The following SMIM9 variants were observed in gnomAD, a reference collection of about 807,000 sequenced individuals.
SMIM9 encodes the protein chromosome X open reading frame 68.
In SMIM9, 8 loss-of-function variants were observed where a neutral mutation model predicts 7.2. The ratio of observed to expected loss-of-function variants is 1.10; its 90% CI spans 0.65 to 1.99. The LOEUF is 1.99. Ranked by LOEUF, SMIM9 falls within the 30% of genes most tolerant of loss-of-function variation. The pLI is 0.00. For missense variants in SMIM9, 76 were observed against 69.3 expected (o/e 1.10, Z -0.34); for synonymous variants, 19 against 26.4 (o/e 0.72, Z 0.86).
chrX:154,827,229 A>G (rs1478707544), intron 4 of SMIM9, among the ~76,000 whole-genome samples: 1 of 112,850 alleles, frequency 8.9e-6, no homozygotes, highest in African/African-American at 3.2e-5. Flanking sequence ...CCACAGTTTG[A>G]GTAACAATGA....
chrX:154,826,552 C>T (rs1557270251), intron 4 of SMIM9, among the ~76,000 whole-genome samples: 1 of 112,026 alleles, frequency 8.9e-6, no homozygotes, highest in Non-Finnish European at 1.9e-5. Context: ...CCACCATGCC[C>T]GACCTTAGCT....
In SMIM9 at chrX:154,830,944, C is replaced by T; in HGVS notation, c.-88G>A. 1.0e-6 allele frequency: 1 copy of T among 999,338 alleles called. No individual in the cohort carries two copies. Among genetic ancestry groups the T allele is most frequent in the African/African-American group, 1.9e-5 (1 of 51,796 alleles). 82.4% of individuals were successfully genotyped at this position (999,338 alleles called of 1,213,427 possible). On this transcript the variant is annotated 5_prime_UTR_variant, in exon 3 of 5. It adds an upstream start codon to the 5' untranslated region. Transcript: ENST00000369529. Reference sequence around the variant, plus strand: ...ATGTCTTTGTCCGTAGGTCTTTCCACAGAAACTTTGTCTGAAAAGTTAGAC... The same window carrying T: ...ATGTCTTTGTCCGTAGGTCTTTCCATAGAAACTTTGTCTGAAAAGTTAGAC...
intron 4 of SMIM9, 87 bp from the exon 5 acceptor site, chrX:154,823,869 G>T: frequency 1.1e-6 from 1 of 873,476 alleles, no homozygotes; most frequent in Non-Finnish European, 1.5e-6. Context: ...TTTGACACCA[G>T]TTTTTCTCTT....
Position 154,824,671 on chromosome X carries a change from TTAGC to T in SMIM9, c.273-893_273-890del, listed in dbSNP as rs781908174. Among the ~76,000 whole-genome samples the T allele has an allele frequency of 5.4e-3, 603 of 112,632 alleles. 2 individuals are homozygous for T. Among genetic ancestry groups the T allele is most frequent in the African/African-American group, 0.018 (573 of 31,033 alleles). On this transcript the variant is annotated intron_variant, in intron 4 of 4. Coordinates refer to ENST00000369529, the MANE Select transcript of SMIM9 (RefSeq NM_001162936.4). ...AGTGTATGAATGTGCAATACTTTCT[TTAGC>T]TAGCCCCAGACTGATGGACATTTAA...
At chrX:154,831,128 T>C (rs1410688466) in intron 2 of SMIM9, among the ~76,000 whole-genome samples, 173 bp from the exon 3 acceptor site, 14 of 111,450 alleles carry the variant, frequency 1.3e-4, no homozygotes, top group African/African-American at 4.6e-4. Flanking sequence ...CTCTATCAGG[T>C]CAGATACCGG....
chrX:154,824,868 C>T (rs1346547385), intron 4 of SMIM9, among the ~76,000 whole-genome samples: 2 of 112,091 alleles, frequency 1.8e-5, no homozygotes, highest in Non-Finnish European at 3.8e-5. Flanking sequence ...TAGCTTAAGC[C>T]TTCATTACAG....
In SMIM9 at chrX:154,823,724, C is replaced by T. The variant is rs186510434; in HGVS notation, c.*31G>A. The T allele has an allele frequency of 7.0e-6, 8 of 1,145,856 alleles. No individual in the cohort carries two copies. The African/African-American group carries it at 1.5e-4, about 21-fold the overall frequency. 94.4% of individuals were successfully genotyped at this position (1,145,856 alleles called of 1,213,427 possible). On this transcript the variant is annotated 3_prime_UTR_variant, in exon 5 of 5. Coordinates refer to ENST00000369529, the MANE Select transcript of SMIM9 (RefSeq NM_001162936.4). ...CTCTTTTGGAGTCCAACTGGAGAGA[C>T]CACACTTGCCCTGTTGAATCTTCTA...
intron 2 of SMIM9, among the ~76,000 whole-genome samples, 172 bp from the exon 3 acceptor site, chrX:154,831,127 G>C (rs2072443958): frequency 9.0e-6 from 1 of 111,314 alleles, no homozygotes; most frequent in South Asian, 3.8e-4. Context: ...GCTCTATCAG[G>C]TCAGATACCG....
intron 2 of SMIM9, among the ~76,000 whole-genome samples, 165 bp downstream of exon 2, chrX:154,832,409 C>T (rs1423313566): frequency 8.9e-6 from 1 of 112,225 alleles, no homozygotes; most frequent in Non-Finnish European, 1.9e-5. Context: ...ACTAAACTAA[C>T]ACCTGTATCT....
At chrX:154,826,484 T>C (rs1022760094) in intron 4 of SMIM9, among the ~76,000 whole-genome samples, 20 of 112,114 alleles carry the variant, frequency 1.8e-4, no homozygotes, top group Non-Finnish European at 3.6e-4. Flanking sequence ...CTCAAACTCC[T>C]GGCCTTAAGC....
intron 4 of SMIM9, among the ~76,000 whole-genome samples, chrX:154,828,076 C>T (rs1427432285): frequency 6.3e-5 from 7 of 111,771 alleles, no homozygotes; most frequent in Admixed American, 5.7e-4. Flanking sequence ...CTTCCACAGG[C>T]ATTGATCATT....
chrX:154,830,817 A>G lies in SMIM9; in HGVS notation c.40T>C (p.Cys14Arg). Residue 14 changes from cysteine to arginine, a missense_variant, in exon 3 of 5, where the codon TGC (cysteine) becomes CGC (arginine). Physicochemically the swap from Cys to Arg is radical, Grantham distance 180 (BLOSUM62 -3). Coordinates refer to ENST00000369529, the MANE Select transcript of SMIM9 (RefSeq NM_001162936.4). ...TCCAACAAGAGGCAAGTTAGAGAGCATAGCAGAAATCCAATTATCAGCAGC... is the reference window on the plus strand; with the variant it reads ...TCCAACAAGAGGCAAGTTAGAGAGCGTAGCAGAAATCCAATTATCAGCAGC... ...QKLLIIGFLLCSLTCLLLETV... is the reference protein window; with the variant it reads ...QKLLIIGFLLRSLTCLLLETV... 8.6e-7 allele frequency: 1 copy of G among 1,167,594 alleles called. No individual in the cohort carries two copies. The highest frequency in any genetic ancestry group is 1.9e-5 in the South Asian group (1 of 52,616).
At position 154,830,876 on chromosome X, in the gene SMIM9, C is replaced by T. The variant is rs1347095661; in HGVS notation, c.-20G>A. 12 of 1,159,021 alleles carry T rather than the reference C, an allele frequency of 1.0e-5. No homozygotes were observed. Among genetic ancestry groups the T allele is most frequent in the Admixed American group, 5.3e-5 (2 of 37,965 alleles). ...TTCCATGGACTCCCGCCTTCAGCTG[C>T]GGCTGAAGAGCTGGTAATCCTAGCT... On this transcript the variant is annotated 5_prime_UTR_variant, in exon 3 of 5. Coordinates refer to ENST00000369529, the MANE Select transcript of SMIM9 (RefSeq NM_001162936.4).
intron 4 of SMIM9, among the ~76,000 whole-genome samples, chrX:154,825,799 T>C (rs1443056956): frequency 1.2e-4 from 13 of 109,092 alleles, no homozygotes; most frequent in Admixed American, 2.9e-4. Context: ...AAACCATCAT[T>C]CTCAGCAAAC....
intron 1 of SMIM9, among the ~76,000 whole-genome samples, chrX:154,833,432 C>T (rs2072452813): frequency 8.9e-6 from 1 of 111,976 alleles, no homozygotes. Context: ...CGAGACCAGC[C>T]TGAGCAACAT....
intron 3 of SMIM9, 62 bp downstream of exon 3, chrX:154,830,653 A>G: frequency 9.0e-7 from 1 of 1,115,247 alleles, no homozygotes. Flanking sequence ...ACCTGACCTG[A>G]ACTGAAACAT....
chrX:154,830,128 G>C (rs1371478833), intron 3 of SMIM9, among the ~76,000 whole-genome samples: 1 of 111,402 alleles, frequency 9.0e-6, no homozygotes, highest in African/African-American at 3.3e-5. Context: ...GGACCTCTAG[G>C]GGGAGTTTGC....
intron 4 of SMIM9, among the ~76,000 whole-genome samples, chrX:154,828,072 C>T (rs954411901): frequency 4.5e-5 from 5 of 111,857 alleles, no homozygotes; most frequent in African/African-American, 1.6e-4. Flanking sequence ...CTATCTTCCA[C>T]AGGCATTGAT....
intron 4 of SMIM9, among the ~76,000 whole-genome samples, chrX:154,827,942 G>T (rs1413578167): frequency 8.9e-6 from 1 of 111,947 alleles, no homozygotes. Flanking sequence ...CCCACATCCA[G>T]TGAATGACTG....
Sources: allele counts gnomAD v4.1 joint callset (sites outside exome capture counted in the v4.1 genomes callset), GRCh38; gene constraint gnomAD v4.1.1; transcripts MANE v1.5; gene names NCBI Gene and HGNC (gene_info 2026-07-23, HGNC 2026-07-21).